Variants in DNM3 observed in about 807,000 individuals in gnomAD.
DNM3 encodes the protein dynamin-3.
A neutral mutation model predicts 101.6 loss-of-function variants in DNM3; 47 were observed. The ratio of observed to expected loss-of-function variants is 0.46; its 90% CI spans 0.37 to 0.59. DNM3 has a LOEUF of 0.59. Among genes scored for constraint, DNM3 ranks in the 20% least tolerant of loss-of-function variants. The probability of loss-of-function intolerance (pLI) is 0.00; values close to 1 mark genes in which losing one functional copy is unlikely to be tolerated. For missense variants in DNM3, 849 were observed against 1,085.7 expected, an observed-to-expected ratio of 0.78 and a Z score of 3.06; for synonymous variants, 385 against 387.9, an observed-to-expected ratio of 0.99 and a Z score of 0.09.
In DNM3 at chr1:172,092,861, A is replaced by G; in HGVS notation, c.1531A>G (p.Thr511Ala). 6.4e-7 allele frequency: 1 copy of G among 1,559,832 alleles called. No individual in the cohort carries two copies. ...QRSSQVHKKT[T>A]VGNQVIRKGW... ...GAGCAGTCAGGTTCACAAGAAAACC[A>G]CAGTTGGAAATCAGGTAGGAATTGC... The change falls in exon 13 of 21, where the codon ACA becomes GCA. Residue 511 changes from threonine to alanine, a missense_variant. By Grantham distance (58) the Thr-to-Ala change is moderately conservative. Transcript: ENST00000627582.
intron 17 of DNM3, among the ~76,000 whole-genome samples, chr1:172,343,021 T>A (rs1169342970): frequency 2.0e-5 from 3 of 152,196 alleles, no homozygotes; most frequent in Admixed American, 2.0e-4. Flanking sequence ...TTATCACAGA[T>A]CAGGCCTCCC....
intron 1 of DNM3, among the ~76,000 whole-genome samples, chr1:171,853,711 C>T (rs532686569): frequency 1.3e-5 from 2 of 152,148 alleles, no homozygotes; most frequent in Non-Finnish European, 2.9e-5. Flanking sequence ...GTCCTCCTTT[C>T]GCATGTGGGA....
chr1:172,316,072 G>A (rs1484716929), intron 16 of DNM3, among the ~76,000 whole-genome samples: 1 of 152,056 alleles, frequency 6.6e-6, no homozygotes, highest in Non-Finnish European at 1.5e-5. Flanking sequence ...GAAGAGAGTG[G>A]GAGCCAATAT....
In DNM3 at chr1:172,344,674, G is replaced by A. The variant is rs145345972; in HGVS notation, c.1893+21334G>A. ...ATTTGGAGCCGAACTGATGGCGCCA[G>A]CGGCTGAACCACAGTCAGATCTACA... On this transcript the variant is annotated intron_variant, in intron 17 of 20. Transcript: ENST00000627582. Among the ~76,000 whole-genome samples the A allele has an allele frequency of 7.2e-5, 11 of 152,306 alleles. No individual in the cohort carries two copies. In the East Asian group the frequency reaches 1.7e-3, roughly 24 times the overall value.
rs146801598 is a variant in DNM3 at position 172,080,579 on chromosome 1, G to A, written c.1423-1253G>A. ...GCTGGGCTTCATGGGGGTGGGATCC[G>A]CTGACCTAGACCACTTGGCTCCCTG... On this transcript the variant is annotated intron_variant, in intron 11 of 20. Coordinates refer to ENST00000627582, the MANE Select transcript of DNM3 (RefSeq NM_015569.5). 5.9e-3 allele frequency among the ~76,000 whole-genome samples: 892 copies of A among 152,284 alleles called. 10 individuals are homozygous for A. Among genetic ancestry groups the A allele is most frequent in the African/African-American group, 0.02 (840 of 41,566 alleles).
intron 2 of DNM3, among the ~76,000 whole-genome samples, chr1:171,933,748 A>C (rs2041208826): frequency 6.6e-6 from 1 of 152,176 alleles, no homozygotes; most frequent in Non-Finnish European, 1.5e-5. Flanking sequence ...TTAGCATCTG[A>C]AAGTGGGGGC....
At chr1:172,282,419 G>A (rs1041197509) in intron 15 of DNM3, among the ~76,000 whole-genome samples, 9 of 151,814 alleles carry the variant, frequency 5.9e-5, no homozygotes, top group African/African-American at 1.9e-4. Flanking sequence ...TTGAGTCCCC[G>A]AGAACTTAAG....
rs187949115 is a variant in DNM3, at chr1:172,304,641, C to T, written c.1770-4087C>T. Among the ~76,000 whole-genome samples, 643 of 152,278 alleles carry T rather than the reference C, an allele frequency of 4.2e-3. 11 individuals are homozygous for T. Among genetic ancestry groups the T allele is most frequent in the African/African-American group, 0.015 (604 of 41,544 alleles). On this transcript the variant is annotated intron_variant, in intron 15 of 20. Coordinates refer to ENST00000627582, the MANE Select transcript of DNM3 (RefSeq NM_015569.5). ...TGACCACATAGTTGGAAGTAAAGCA[C>T]TCCTCAGCAAATGTAAAAGAACAGA...
At chr1:171,896,531 G>A (rs1558229572) in intron 1 of DNM3, among the ~76,000 whole-genome samples, 1 of 152,256 alleles carries the variant, frequency 6.6e-6, no homozygotes, top group East Asian at 1.9e-4. Flanking sequence ...TTGCTTATCA[G>A]CTTAAGGAGA....
At chr1:172,279,039 C>A (rs1240177806) in intron 15 of DNM3, among the ~76,000 whole-genome samples, 1 of 152,028 alleles carries the variant, frequency 6.6e-6, no homozygotes, top group East Asian at 1.9e-4. Context: ...ATTTTTCTCC[C>A]TTTATTGTAG....
chr1:172,187,351 A>G (rs906064075), intron 14 of DNM3, among the ~76,000 whole-genome samples: 1 of 152,078 alleles, frequency 6.6e-6, no homozygotes, highest in African/African-American at 2.4e-5. Flanking sequence ...TAGAAATAAC[A>G]CCCATTTTAA....
intron 2 of DNM3, among the ~76,000 whole-genome samples, chr1:171,926,739 T>A (rs1328924283): frequency 6.6e-6 from 1 of 152,196 alleles, no homozygotes; most frequent in Admixed American, 6.5e-5. Flanking sequence ...GAGCTTGTTT[T>A]ATCCCGGGAA....
intron 14 of DNM3, among the ~76,000 whole-genome samples, chr1:172,248,014 C>G (rs2062026410): frequency 6.6e-6 from 1 of 152,020 alleles, no homozygotes; most frequent in South Asian, 2.1e-4. Context: ...AATATAATCT[C>G]TTTTAAGTTC....
At chr1:172,036,324 A>T (rs190750893) in intron 6 of DNM3, among the ~76,000 whole-genome samples, 3 of 151,750 alleles carry the variant, frequency 2.0e-5, no homozygotes, top group African/African-American at 7.3e-5. Flanking sequence ...GTCCCTACAA[A>T]GGACATGAAC....
intron 14 of DNM3, chr1:172,137,691 G>A (rs2057318728): frequency 6.6e-6 from 1 of 152,094 alleles, no homozygotes; most frequent in Admixed American, 6.6e-5. Context: ...CATTTTTTAA[G>A]CTTGACCAGA....
rs539243643 is a variant in DNM3, at chr1:172,155,264, T to C, written c.1659+23976T>C. ...TATGTTTAGGAGTAATAAACATGCA[T>C]TTCTCAACTTGGTAGGCCTTGTGCT... On this transcript the variant is annotated intron_variant, in intron 14 of 20. Coordinates refer to ENST00000627582, the MANE Select transcript of DNM3 (RefSeq NM_015569.5). 1.2e-4 allele frequency among the ~76,000 whole-genome samples: 18 copies of C among 151,148 alleles called. No individual in the cohort carries two copies. The East Asian group carries it at 3.5e-3, about 30-fold the overall frequency.
In DNM3 at chr1:171,860,894, A is replaced by G. The variant is rs2034106395; in HGVS notation, c.161+19077A>G. ...CATTTCCTGTAGTGGGAAGACTGAGAAAAAAGTTGGGAGTTGAACATCTAA... is the reference window on the plus strand; with the variant it reads ...CATTTCCTGTAGTGGGAAGACTGAGGAAAAAGTTGGGAGTTGAACATCTAA... On this transcript the variant is annotated intron_variant, in intron 1 of 20. Coordinates refer to ENST00000627582, the MANE Select transcript of DNM3 (RefSeq NM_015569.5). Among the ~76,000 whole-genome samples the G allele has an allele frequency of 2.0e-5, 3 of 152,114 alleles. No homozygotes were observed. In the South Asian group the frequency reaches 6.2e-4, roughly 32 times the overall value.
chr1:172,239,800 C>CTTTTTTTTTTTTTTTTTTTT (rs71107343), intron 14 of DNM3, among the ~76,000 whole-genome samples: 1 of 108,398 alleles, frequency 9.2e-6, no homozygotes, highest in Non-Finnish European at 1.7e-5. Flanking sequence ...TTTTTTTTCT[C>CTTTTTTTTTTTTTTTTTTTT]TTTTTTTTTT....
At chr1:171,885,581 G>A (rs1286992821) in intron 1 of DNM3, among the ~76,000 whole-genome samples, 1 of 152,118 alleles carries the variant, frequency 6.6e-6, no homozygotes, top group Non-Finnish European at 1.5e-5. Context: ...TAAAATTTTA[G>A]AGGGCCTTGC....
Sources: allele counts gnomAD v4.1 joint callset (sites outside exome capture counted in the v4.1 genomes callset), GRCh38; gene constraint gnomAD v4.1.1; transcripts MANE v1.5; gene names NCBI Gene and HGNC (gene_info 2026-07-23, HGNC 2026-07-21).